PLCL1: variants seen among roughly 807,000 people sequenced by gnomAD.
PLCL1 encodes phospholipase C like 1 (inactive).
In PLCL1, 41 loss-of-function variants were observed where a neutral mutation model predicts 84.4. The observed-to-expected ratio is 0.49, with a 90% CI of 0.38 to 0.63. PLCL1 has a LOEUF of 0.63. Among genes scored for constraint, PLCL1 ranks in the 30% least tolerant of loss-of-function variants. The pLI is 0.00. For synonymous variants in PLCL1, 490 were observed against 488.3 expected, an observed-to-expected ratio of 1.00 and a Z score of -0.05; for missense variants, 1,206 against 1,367.8, an observed-to-expected ratio of 0.88 and a Z score of 1.87.
At chr2:198,069,558 A>G (rs1371366528) in intron 1 of PLCL1, among the ~76,000 whole-genome samples, 1 of 152,196 alleles carries the variant, frequency 6.6e-6, no homozygotes, top group Admixed American at 6.5e-5. Context: ...TACATGGGCT[A>G]TGAGAGCATT....
chr2:197,828,428 G>C (rs1690979869), intron 1 of PLCL1, among the ~76,000 whole-genome samples: 1 of 151,918 alleles, frequency 6.6e-6, no homozygotes, highest in African/African-American at 2.4e-5. Context: ...TCAAAGTTTT[G>C]ATTTTTTGCT....
rs1488083163 is a variant in PLCL1, at chr2:197,805,818, A to G, written c.240+479A>G. ...CCCAAGATGTGTGAACTTTCCCGGT[A>G]GGGAGGCAGAGTTTTAAGTGGACCC... On this transcript the variant is annotated intron_variant, in intron 1 of 5. Transcript: ENST00000428675. The surrounding 1 kb of genome is among the most constrained non-coding windows in gnomAD (Gnocchi z 4.0). 6.6e-6 allele frequency among the ~76,000 whole-genome samples: 1 copy of G among 152,230 alleles called. No homozygotes were observed. The highest frequency in any genetic ancestry group is 1.5e-5 in the Non-Finnish European group (1 of 68,026).
At chr2:197,831,679 A>T (rs975651317) in intron 1 of PLCL1, among the ~76,000 whole-genome samples, 2 of 152,190 alleles carry the variant, frequency 1.3e-5, no homozygotes, top group African/African-American at 2.4e-5. Flanking sequence ...CCTAATAGAC[A>T]TCTACAGAAC....
rs772160908 is a variant in PLCL1 at position 197,985,545 on chromosome 2, G to A, written c.241-98213G>A. ...CTGTGTTTGTAAGTAAAGTTTTATT[G>A]CTAATTACCCTGATTTGAGAAACAT... is the stretch of plus-strand genomic sequence containing the variant. On this transcript the variant is annotated intron_variant, in intron 1 of 5. Transcript: ENST00000428675. 6.6e-5 allele frequency among the ~76,000 whole-genome samples: 10 copies of A among 152,268 alleles called. No homozygotes were observed. In the Middle Eastern group the frequency reaches 0.02, roughly 311 times the overall value.
intron 1 of PLCL1, among the ~76,000 whole-genome samples, chr2:198,071,719 C>A (rs1295704447): frequency 6.6e-6 from 1 of 151,642 alleles, no homozygotes; most frequent in Non-Finnish European, 1.5e-5. Flanking sequence ...AATATCAATA[C>A]AGTTTTAAGT....
intron 1 of PLCL1, among the ~76,000 whole-genome samples, chr2:198,058,582 TA>T (rs1692119218): frequency 6.6e-6 from 1 of 151,508 alleles, no homozygotes; most frequent in Non-Finnish European, 1.5e-5. Context: ...GTAACAATTA[TA>T]ATAAACAATT....
At chr2:198,003,178 TGA>T (rs944422321) in intron 1 of PLCL1, among the ~76,000 whole-genome samples, 2 of 152,148 alleles carry the variant, frequency 1.3e-5, no homozygotes, top group Admixed American at 6.6e-5. Flanking sequence ...ACTAATAATG[TGA>T]GTTTTTAAAT....
intron 1 of PLCL1, among the ~76,000 whole-genome samples, chr2:198,048,076 A>G (rs1691847990): frequency 6.6e-6 from 1 of 152,208 alleles, no homozygotes; most frequent in Admixed American, 6.5e-5. Flanking sequence ...TTTATGGAGA[A>G]TATTGGATTT....
intron 1 of PLCL1, among the ~76,000 whole-genome samples, chr2:198,003,144 A>C (rs1289204983): frequency 1.3e-5 from 2 of 152,174 alleles, no homozygotes; most frequent in African/African-American, 4.8e-5. Flanking sequence ...TTCATAAGAA[A>C]ACTTTAGCAA....
At chr2:197,818,931 A>T (rs1397826733) in intron 1 of PLCL1, among the ~76,000 whole-genome samples, 2 of 152,098 alleles carry the variant, frequency 1.3e-5, no homozygotes, top group Non-Finnish European at 2.9e-5. Flanking sequence ...AAAGGCTGGG[A>T]CAGGGGCTGG....
chr2:197,812,864 A>G (rs912044222), intron 1 of PLCL1, among the ~76,000 whole-genome samples: 1 of 152,318 alleles, frequency 6.6e-6, no homozygotes, highest in African/African-American at 2.4e-5. Context: ...CAAAATTACA[A>G]TGTAGAACCC....
At chr2:197,841,708 T>TTAAC (rs1434199644) in intron 1 of PLCL1, among the ~76,000 whole-genome samples, 3 of 152,258 alleles carry the variant, frequency 2.0e-5, no homozygotes, top group Non-Finnish European at 4.4e-5. Flanking sequence ...AATGTAGTTT[T>TTAAC]TAACTCATTT....
At chr2:198,145,608 G>T (rs1034369489) in intron 5 of PLCL1, among the ~76,000 whole-genome samples, 2 of 152,278 alleles carry the variant, frequency 1.3e-5, no homozygotes, top group East Asian at 1.9e-4. Context: ...CAAACATCAG[G>T]CAAAGCCCAA....
chr2:198,115,202 G>T (rs79784778), intron 5 of PLCL1, among the ~76,000 whole-genome samples: 1,672 of 151,902 alleles, frequency 0.011, 28 homozygotes, highest in African/African-American at 0.038. Flanking sequence ...ATGAGAGTGG[G>T]TCAAAGTTCC....
intron 1 of PLCL1, among the ~76,000 whole-genome samples, chr2:197,894,059 C>T (rs1688083907): frequency 6.6e-6 from 1 of 151,844 alleles, no homozygotes; most frequent in Non-Finnish European, 1.5e-5. Context: ...ATCTGTCTCT[C>T]TTATCAGGAA....
At chr2:197,961,861 G>A (rs182390692) in intron 1 of PLCL1, among the ~76,000 whole-genome samples, 6 of 152,144 alleles carry the variant, frequency 3.9e-5, no homozygotes, top group African/African-American at 4.8e-5. Context: ...GTAAAGAATG[G>A]AAAGTAACAA....
chr2:198,039,955 C>G (rs946505834), intron 1 of PLCL1, among the ~76,000 whole-genome samples: 8 of 152,124 alleles, frequency 5.3e-5, no homozygotes, highest in Non-Finnish European at 1.2e-4. Context: ...AAACATATGT[C>G]TTAACCTACA....
At chr2:198,094,131 A>G (rs1033771420) in intron 3 of PLCL1, among the ~76,000 whole-genome samples, 4 of 151,922 alleles carry the variant, frequency 2.6e-5, no homozygotes, top group Non-Finnish European at 5.9e-5. Context: ...GCGCGATCTC[A>G]GCTCACTGCA....
intron 2 of PLCL1, among the ~76,000 whole-genome samples, chr2:198,087,979 G>C (rs1692926858): frequency 6.6e-6 from 1 of 152,034 alleles, no homozygotes; most frequent in Admixed American, 6.6e-5. Flanking sequence ...CCCAATATCA[G>C]CATATTCTAT....
Sources: gnomAD v4.1 joint callset for allele counts (sites outside exome capture counted in the v4.1 genomes callset) on GRCh38, gnomAD v4.1.1 for gene constraint, Gnocchi (gnomAD v3.1) non-coding constraint, MANE v1.5 for transcripts, NCBI Gene and HGNC (gene_info 2026-07-23, HGNC 2026-07-21) for gene names.